Variants in PHF24 observed in about 807,000 individuals in gnomAD.
PHF24 encodes the protein Galpha inhibitory interacting protein.
In PHF24, 25 loss-of-function variants were observed where a neutral mutation model predicts 42.6. The ratio of observed to expected loss-of-function variants is 0.59; its 90% CI spans 0.43 to 0.82. The LOEUF (loss-of-function observed/expected upper bound fraction) is 0.82, where lower values mean the gene tolerates loss of function less well. Ranked by LOEUF, PHF24 falls within the 40% of genes least tolerant of loss-of-function variation. The pLI, the probability that PHF24 is intolerant of heterozygous loss-of-function variation, is 0.00. For missense variants in PHF24, 470 were observed against 538.1 expected (o/e 0.87, Z 1.25); for synonymous variants, 185 against 204.8 (o/e 0.90, Z 0.83).
At chr9:34,804,423 G>A in the PHF24 span, among the ~76,000 whole-genome samples, 2 of 152,296 alleles carry the variant, frequency 1.3e-5, no homozygotes, top group Non-Finnish European at 1.5e-5. Flanking sequence ...AAAGAACACC[G>A]AGTAATGTTT....
the PHF24 span, among the ~76,000 whole-genome samples, chr9:34,766,321 G>A: frequency 6.6e-5 from 10 of 152,098 alleles, no homozygotes; most frequent in Non-Finnish European, 1.2e-4. Context: ...CATTCTCCCC[G>A]TCACTTTCAG....
chr9:34,930,579 G>A, the PHF24 span, among the ~76,000 whole-genome samples: 11 of 152,100 alleles, frequency 7.2e-5, no homozygotes, highest in Admixed American at 5.2e-4. Context: ...CAAAGATCAG[G>A]GACATTTACT....
chr9:34,910,819 GTCT>G, the PHF24 span, among the ~76,000 whole-genome samples: 1 of 151,446 alleles, frequency 6.6e-6, no homozygotes, highest in Non-Finnish European at 1.5e-5. Context: ...CTTGTATCTT[GTCT>G]TCTTTTTTTT....
At chr9:34,764,384 T>C in the PHF24 span, among the ~76,000 whole-genome samples, 1 of 152,288 alleles carries the variant, frequency 6.6e-6, no homozygotes, top group Admixed American at 6.5e-5. Context: ...GAGCCTGTTA[T>C]TGGTCTATTC....
chr9:34,804,765 C>T, the PHF24 span, among the ~76,000 whole-genome samples: 3,673 of 152,242 alleles, frequency 0.024, 140 homozygotes, highest in African/African-American at 0.082. Flanking sequence ...ATAAAGTAGA[C>T]AATTCAGTGG....
At chr9:34,725,056 A>G in the PHF24 span, 2 of 1,551,946 alleles carry the variant, frequency 1.3e-6, no homozygotes, top group Non-Finnish European at 1.7e-6. Context: ...GGTCCGGGTC[A>G]CTTGCTGTCT....
intron 3 of PHF24, among the ~76,000 whole-genome samples, chr9:34,974,367 T>C (rs1231744676): frequency 3.3e-5 from 5 of 152,378 alleles, no homozygotes; most frequent in Middle Eastern, 3.4e-3. Context: ...ATTACTTCTT[T>C]ATTCCTCTCT....
At chr9:34,808,153 A>G in the PHF24 span, among the ~76,000 whole-genome samples, 1 of 152,228 alleles carries the variant, frequency 6.6e-6, no homozygotes, top group African/African-American at 2.4e-5. Context: ...ATATTAAGTT[A>G]TGTGACCTTA....
At chr9:34,708,743 C>T in the PHF24 span, among the ~76,000 whole-genome samples, 1 of 152,184 alleles carries the variant, frequency 6.6e-6, no homozygotes, top group African/African-American at 2.4e-5. Flanking sequence ...ATCAGGGTCT[C>T]AGAGGTCTGC....
At chr9:34,955,592 G>C (rs1027100273), upstream of PHF24, among the ~76,000 whole-genome samples, 1 of 152,148 alleles carries the variant, frequency 6.6e-6, no homozygotes, top group Non-Finnish European at 1.5e-5. Flanking sequence ...CAGGAGAATC[G>C]CTTGAACCTG....
chr9:34,946,294 T>G, the PHF24 span, among the ~76,000 whole-genome samples: 2 of 152,248 alleles, frequency 1.3e-5, no homozygotes, highest in Non-Finnish European at 2.9e-5. Flanking sequence ...GACAATATCT[T>G]GTCTATTTAG....
rs181453040 is a variant in PHF24, at chr9:34,966,788, A to G, written c.-4-4507A>G. Among the ~76,000 whole-genome samples, 47 of 152,232 alleles carry G rather than the reference A, an allele frequency of 3.1e-4. 1 individual carries two copies. In the East Asian group the frequency reaches 8.5e-3, roughly 28 times the overall value. On this transcript the variant is annotated intron_variant, in intron 1 of 7. Coordinates refer to ENST00000242315, the Ensembl canonical transcript of PHF24. ...ACAGTCATGGCACACTACAGACCCAAACTCCTGGTCTCAAGCAATCCTCAT... is the reference window on the plus strand; with the variant it reads ...ACAGTCATGGCACACTACAGACCCAGACTCCTGGTCTCAAGCAATCCTCAT...
the PHF24 span, among the ~76,000 whole-genome samples, chr9:34,687,570 G>A: frequency 6.6e-6 from 1 of 152,196 alleles, no homozygotes; most frequent in African/African-American, 2.4e-5. Flanking sequence ...TGTACCTCCT[G>A]GCGGCAGTGT....
chr9:34,979,728 C>T (rs1481941291), exon 8 of PHF24: 1 of 152,180 alleles, frequency 6.6e-6, no homozygotes, highest in East Asian at 1.9e-4. Flanking sequence ...TTCTTGAGAG[C>T]CCTGTGTAGT....
chr9:34,921,858 T>C, the PHF24 span, among the ~76,000 whole-genome samples: 1 of 152,222 alleles, frequency 6.6e-6, no homozygotes, highest in East Asian at 1.9e-4. Context: ...GGCAGTTTTC[T>C]TTGCTTAGAC....
chr9:34,956,052 A>G (rs1222607814), upstream of PHF24, among the ~76,000 whole-genome samples: 1 of 152,184 alleles, frequency 6.6e-6, no homozygotes, highest in Non-Finnish European at 1.5e-5. Flanking sequence ...TTCATAAAGT[A>G]ATCTGTCTCT....
exon 2 of PHF24, chr9:34,971,511 G>C (rs1395130034): frequency 1.2e-6 from 2 of 1,614,010 alleles, no homozygotes; most frequent in Non-Finnish European, 1.7e-6. Context: ...TCCAGGAAGA[G>C]AGTAGTGCCG....
chr9:34,875,432 C>A, the PHF24 span, among the ~76,000 whole-genome samples: 1 of 152,136 alleles, frequency 6.6e-6, no homozygotes, highest in Non-Finnish European at 1.5e-5. Context: ...AGAGAGTCAC[C>A]TTTAGAGATT....
In PHF24 at chr9:34,959,559, G is replaced by GT. The variant is rs571491075; in HGVS notation, c.-5+1162dup. Among the ~76,000 whole-genome samples, 106 of 152,338 alleles carry GT rather than the reference G, an allele frequency of 7.0e-4. No individual in the cohort carries two copies. The South Asian group carries it at 0.017, about 24-fold the overall frequency. On this transcript the variant is annotated intron_variant, in intron 1 of 7. Transcript: ENST00000242315. The stretch of plus-strand genomic sequence containing the variant: ...CATTAAGGTGCCTGCCGAGCATAGG[G>GT]TTTTGCAGTGGTACAAGCTCAGTAA...
Sources: gnomAD v4.1 joint callset for allele counts (sites outside exome capture counted in the v4.1 genomes callset) on GRCh38, gnomAD v4.1.1 for gene constraint, MANE v1.5 for transcripts, NCBI Gene and HGNC (gene_info 2026-07-23, HGNC 2026-07-21) for gene names.